PCDH15: variants seen among roughly 807,000 people sequenced by gnomAD.
The protein encoded by PCDH15 is protocadherin-15.
PCDH15 carries 129 observed loss-of-function variants against 178.5 expected under a neutral mutation model. The ratio of observed to expected loss-of-function variants is 0.72; its 90% confidence interval spans 0.63 to 0.84. The LOEUF is 0.84. PCDH15 is among the 40% of genes least tolerant of loss of function. The probability of loss-of-function intolerance (pLI) is 0.00; values close to 1 mark genes in which losing one functional copy is unlikely to be tolerated. For synonymous variants in PCDH15, 800 were observed against 732.0 expected (o/e 1.09, Z -1.50); for missense variants, 2,230 against 2,099.9 (o/e 1.06, Z -1.21).
At chr10:55,504,512 A>T (rs1361609561) in intron 2 of PCDH15, among the ~76,000 whole-genome samples, 1 of 151,400 alleles carries the variant, frequency 6.6e-6, no homozygotes, top group East Asian at 1.9e-4. Context: ...TTTAATTACC[A>T]GTACATCCAT....
intron 1 of PCDH15, among the ~76,000 whole-genome samples, chr10:55,184,073 G>A (rs1203175480): frequency 1.3e-5 from 2 of 151,878 alleles, no homozygotes; most frequent in South Asian, 2.1e-4. Flanking sequence ...TTTACAGACA[G>A]TGTATGTGAC....
intron 2 of PCDH15, among the ~76,000 whole-genome samples, chr10:55,398,220 A>G: frequency 6.6e-6 from 1 of 152,214 alleles, no homozygotes; most frequent in East Asian, 1.9e-4. Context: ...TAACACTTGA[A>G]AAATGAGTGA....
intron 15 of PCDH15, among the ~76,000 whole-genome samples, chr10:54,111,581 G>T (rs1439337695): frequency 6.6e-6 from 1 of 152,086 alleles, no homozygotes; most frequent in Non-Finnish European, 1.5e-5. Context: ...TTATAAGAAG[G>T]AATGAATAAA....
intron 2 of PCDH15, among the ~76,000 whole-genome samples, chr10:54,621,513 G>A (rs148222003): frequency 3.9e-4 from 59 of 152,072 alleles, no homozygotes; most frequent in African/African-American, 1.1e-3. Flanking sequence ...GATGTTTTAA[G>A]CAGATAACTC....
intron 1 of PCDH15, among the ~76,000 whole-genome samples, chr10:54,700,834 C>T: frequency 6.6e-6 from 1 of 152,006 alleles, no homozygotes; most frequent in South Asian, 2.1e-4. Flanking sequence ...ACCCAAGGGC[C>T]AACACTTAAA....
chr10:55,372,920 A>C (rs1303687109), intron 2 of PCDH15, among the ~76,000 whole-genome samples: 1 of 152,156 alleles, frequency 6.6e-6, no homozygotes, highest in East Asian at 1.9e-4. Flanking sequence ...GGATATCAAC[A>C]AGAAAAAAAT....
chr10:54,775,455 T>C (rs1949584673), intron 1 of PCDH15, among the ~76,000 whole-genome samples: 1 of 152,206 alleles, frequency 6.6e-6, no homozygotes, highest in Admixed American at 6.5e-5. Context: ...ATATCCATTA[T>C]CTCCAATATT....
intron 2 of PCDH15, among the ~76,000 whole-genome samples, chr10:55,432,462 G>GT: frequency 6.6e-6 from 1 of 152,224 alleles, no homozygotes; most frequent in African/African-American, 2.4e-5. Context: ...TTGAAAATGG[G>GT]TTATTGGAAG....
chr10:55,478,146 T>C lies in PCDH15; in HGVS notation c.-156+149479A>G, dbSNP rs552915310. 5.9e-5 allele frequency among the ~76,000 whole-genome samples: 9 copies of C among 151,898 alleles called. No homozygotes were observed. In the South Asian group the frequency reaches 1.9e-3, roughly 31 times the overall value. ...TAAATGTAAAAATACATGTATCCAATATTGATGCACCTAAATACATGAAGC... is the reference window on the plus strand; with the variant it reads ...TAAATGTAAAAATACATGTATCCAACATTGATGCACCTAAATACATGAAGC... On this transcript the variant is annotated intron_variant, in intron 2 of 5. Transcript: ENST00000613346.
chr10:54,206,238 A>C (rs1300682548), intron 10 of PCDH15, among the ~76,000 whole-genome samples: 1 of 152,120 alleles, frequency 6.6e-6, no homozygotes, highest in African/African-American at 2.4e-5. Flanking sequence ...CACTGGAATG[A>C]CTAAAAGGAT....
intron 2 of PCDH15, among the ~76,000 whole-genome samples, chr10:55,131,678 A>G (rs1184265812): frequency 2.0e-5 from 3 of 151,264 alleles, no homozygotes; most frequent in Admixed American, 6.6e-5. Context: ...GCTGGTGTCT[A>G]TGCAGCTCTC....
intron 2 of PCDH15, among the ~76,000 whole-genome samples, chr10:54,555,125 T>C (rs1008651540): frequency 6.6e-6 from 1 of 152,156 alleles, no homozygotes; most frequent in Admixed American, 6.5e-5. Context: ...TTCCCTGATG[T>C]CCCATTTCTC....
intron 1 of PCDH15, among the ~76,000 whole-genome samples, chr10:54,761,669 C>T (rs1375720345): frequency 6.7e-6 from 1 of 149,660 alleles, no homozygotes; most frequent in South Asian, 2.1e-4. Flanking sequence ...GGCAACATAG[C>T]GAGACTCTGT....
chr10:54,686,476 A>G (rs2095011353), intron 1 of PCDH15, among the ~76,000 whole-genome samples: 1 of 152,120 alleles, frequency 6.6e-6, no homozygotes, highest in Non-Finnish European at 1.5e-5. Flanking sequence ...TCATATCCAT[A>G]AAATCATTGC....
At chr10:55,125,163 T>TTTTGTGTGTGTGTGTG (rs1554833072) in intron 2 of PCDH15, among the ~76,000 whole-genome samples, 71 of 143,080 alleles carry the variant, frequency 5.0e-4, no homozygotes, top group South Asian at 9.1e-4. Context: ...TTTTTTTTAA[T>TTTTGTGTGTGTGTGTG]TGTGTGTGTG....
At chr10:54,298,845 G>A (rs887553267) in intron 8 of PCDH15, among the ~76,000 whole-genome samples, 1 of 152,242 alleles carries the variant, frequency 6.6e-6, no homozygotes, top group Admixed American at 6.5e-5. Context: ...AATCCTGGGA[G>A]AGCCTGTAAC....
intron 1 of PCDH15, among the ~76,000 whole-genome samples, chr10:54,753,843 A>C (rs893788583): frequency 7.0e-6 from 1 of 141,954 alleles, no homozygotes; most frequent in Non-Finnish European, 1.5e-5. Context: ...AGTATTACCC[A>C]AATCCTTTTT....
intron 21 of PCDH15, among the ~76,000 whole-genome samples, chr10:53,990,254 GAAACGCTACAATAGTTCTC>G: frequency 6.6e-6 from 1 of 151,998 alleles, no homozygotes; most frequent in East Asian, 1.9e-4. Context: ...TCTAAGCTCT[GAAACGCTACAATAGTTCTC>G]AAAATCTCAA....
At chr10:55,202,738 C>T (rs564797839) in intron 1 of PCDH15, among the ~76,000 whole-genome samples, 22 of 152,226 alleles carry the variant, frequency 1.4e-4, no homozygotes, top group African/African-American at 4.3e-4. Flanking sequence ...ATGAAGAAAT[C>T]ATGGGTTTCC....
Sources: gnomAD v4.1 joint callset for allele counts (sites outside exome capture counted in the v4.1 genomes callset) on GRCh38, gnomAD v4.1.1 for gene constraint, MANE v1.5 for transcripts, NCBI Gene and HGNC (gene_info 2026-07-23, HGNC 2026-07-21) for gene names.